The following GABRA2 variants were observed in gnomAD, a reference collection of about 807,000 sequenced individuals.
GABRA2 encodes gamma-aminobutyric acid type A receptor subunit alpha2.
In GABRA2, 16 loss-of-function variants were observed where a neutral mutation model predicts 48.7. The ratio of observed to expected loss-of-function variants is 0.33; its 90% confidence interval spans 0.22 to 0.50. The LOEUF is 0.50. GABRA2 is among the 20% of genes least tolerant of loss of function. GABRA2 has a pLI of 0.98. For missense variants in GABRA2, 275 were observed against 535.6 expected (o/e 0.51, Z 4.80); for synonymous variants, 185 against 184.5 (o/e 1.00, Z -0.02).
At chr4:46,375,438 A>G (rs957656901) in intron 3 of GABRA2, among the ~76,000 whole-genome samples, 22 of 151,746 alleles carry the variant, frequency 1.4e-4, no homozygotes, top group Non-Finnish European at 3.1e-4. Context: ...TTTTTCTTTT[A>G]CCTGTAGCTC....
chr4:46,249,497 A>G lies in GABRA2; in HGVS notation c.*811T>C, dbSNP rs1318977958. On this transcript the variant is annotated 3_prime_UTR_variant, in exon 10 of 10. Transcript: ENST00000381620. ...TTTTTCCAGTCTCCAGCACCCGTAAAATTTAGCTGATCAATTTCAATACAA... is the reference window on the plus strand; with the variant it reads ...TTTTTCCAGTCTCCAGCACCCGTAAGATTTAGCTGATCAATTTCAATACAA... 1.3e-5 allele frequency: 2 copies of G among 151,382 alleles called. No homozygotes were observed. The highest frequency in any genetic ancestry group is 3.0e-5 in the Non-Finnish European group (2 of 67,662). 9.4% of individuals were successfully genotyped at this position (151,382 alleles called of 1,614,324 possible).
intron 3 of GABRA2, among the ~76,000 whole-genome samples, chr4:46,337,741 C>A (rs1167543849): frequency 6.6e-6 from 1 of 150,952 alleles, no homozygotes; most frequent in African/African-American, 2.4e-5. Context: ...CAGGGATAGG[C>A]CCTTTGGTTT....
chr4:46,271,604 T>A (rs1719350217), intron 8 of GABRA2, among the ~76,000 whole-genome samples: 1 of 151,994 alleles, frequency 6.6e-6, no homozygotes, highest in Admixed American at 6.6e-5. Flanking sequence ...GGATGACATA[T>A]TTTCTCAAAA....
chr4:46,350,018 G>C (rs1479145238), intron 3 of GABRA2, among the ~76,000 whole-genome samples: 1 of 151,778 alleles, frequency 6.6e-6, no homozygotes, highest in African/African-American at 2.4e-5. Context: ...AGCATTTACT[G>C]TATGCTGAAC....
rs750868032 is a variant in GABRA2, at chr4:46,305,725, GA to G, written c.560-15del. ...TTGTATATGCATCTATAGGAAATCA[GA>G]AAAAATATTTTAAGCATTTTAGTAA... On this transcript the variant is annotated splice_polypyrimidine_tract_variant and intron_variant, in intron 6 of 9. Coordinates refer to ENST00000381620, the MANE Select transcript of GABRA2 (RefSeq NM_000807.4). The G allele has an allele frequency of 6.3e-7, 1 of 1,586,022 alleles. No individual in the cohort carries two copies. The highest frequency in any genetic ancestry group is 8.6e-7 in the Non-Finnish European group (1 of 1,160,458).
intron 4 of GABRA2, among the ~76,000 whole-genome samples, chr4:46,316,917 A>G (rs1728646564): frequency 6.6e-6 from 1 of 151,900 alleles, no homozygotes; most frequent in South Asian, 2.1e-4. Context: ...AGCCCATTTC[A>G]AGCTAGTGCT....
chr4:46,289,916 T>A (rs1389510453), intron 8 of GABRA2, among the ~76,000 whole-genome samples: 136 of 144,734 alleles, frequency 9.4e-4, no homozygotes, highest in Middle Eastern at 3.5e-3. Flanking sequence ...TATTTTTATT[T>A]TTTTTTTTTT....
chr4:46,341,505 T>C (rs994411833), intron 3 of GABRA2, among the ~76,000 whole-genome samples: 2 of 152,074 alleles, frequency 1.3e-5, no homozygotes, highest in Non-Finnish European at 2.9e-5. Flanking sequence ...CTTTGTCTTT[T>C]GCAGCCATTG....
rs1250099010 is a variant in GABRA2 at position 46,248,346 on chromosome 4, G to GA, written c.*1961dup. On this transcript the variant is annotated 3_prime_UTR_variant, in exon 10 of 10. Transcript: ENST00000381620. ...AGCTATGCTATATTTAAATGTATAA[G>GA]AAAATAGGATATCTTCTATTTCAAT... 1 of 151,234 alleles carries GA rather than the reference G, an allele frequency of 6.6e-6. No individual in the cohort carries two copies. The highest frequency in any genetic ancestry group is 1.5e-5 in the Non-Finnish European group (1 of 67,544). The allele number at this position is 151,234 out of a possible 1,614,324, so 9.4% of individuals were successfully genotyped here. A position where few individuals can be genotyped will look rare whatever the true frequency, so the allele number is the denominator to read the frequency against.
chr4:46,304,914 A>T (rs566051751), intron 7 of GABRA2, among the ~76,000 whole-genome samples: 1 of 118,180 alleles, frequency 8.5e-6, no homozygotes, highest in African/African-American at 3.2e-5. Flanking sequence ...ACAGAGCAAG[A>T]CTCTGTCTCA....
At chr4:46,353,822 T>G (rs1735542684) in intron 3 of GABRA2, among the ~76,000 whole-genome samples, 2 of 152,274 alleles carry the variant, frequency 1.3e-5, no homozygotes, top group Admixed American at 6.5e-5. Context: ...TTATTTATTT[T>G]TATTTTCTCC....
rs778870933 is a variant in GABRA2, at chr4:46,332,570, C to T, written c.255+45G>A. Reference sequence around the variant, plus strand: ...CTAGTTTATTTGAAATTACCCCCCACTCCCCATTATGTGAAGTAAAAATAC... The same window carrying T: ...CTAGTTTATTTGAAATTACCCCCCATTCCCCATTATGTGAAGTAAAAATAC... On this transcript the variant is annotated intron_variant, in intron 4 of 9. Coordinates refer to ENST00000381620, the MANE Select transcript of GABRA2 (RefSeq NM_000807.4). 3 of 1,079,220 alleles carry T rather than the reference C, an allele frequency of 2.8e-6. No individual in the cohort carries two copies. In the African/African-American group the frequency reaches 4.7e-5, roughly 17 times the overall value. The allele number at this position is 1,079,220 out of a possible 1,614,324, so 66.9% of individuals were successfully genotyped here. A position where few individuals can be genotyped will look rare whatever the true frequency, so the allele number is the denominator to read the frequency against.
At chr4:46,386,755 A>G (rs1281375997) in intron 2 of GABRA2, 1 of 153,462 alleles carries the variant, frequency 6.5e-6, no homozygotes, top group Non-Finnish European at 1.4e-5. Context: ...AGCATCAGGG[A>G]AACTCCACTG....
intron 3 of GABRA2, among the ~76,000 whole-genome samples, chr4:46,336,786 A>T (rs1732306669): frequency 6.6e-6 from 1 of 152,138 alleles, no homozygotes. Context: ...AATTAATCCT[A>T]ATCAATTTTG....
intron 8 of GABRA2, among the ~76,000 whole-genome samples, chr4:46,274,706 A>T (rs1720144236): frequency 6.6e-6 from 1 of 152,084 alleles, no homozygotes; most frequent in Non-Finnish European, 1.5e-5. Flanking sequence ...TCCCCTCTCT[A>T]CTTCCTTTCT....
chr4:46,284,321 G>T (rs1421225682), intron 8 of GABRA2, among the ~76,000 whole-genome samples: 3 of 152,090 alleles, frequency 2.0e-5, no homozygotes, highest in Admixed American at 6.6e-5. Flanking sequence ...TTAATGCATT[G>T]TCTAGTCTCA....
intron 4 of GABRA2, among the ~76,000 whole-genome samples, chr4:46,331,384 T>G (rs190785500): frequency 1.3e-5 from 2 of 152,158 alleles, no homozygotes; most frequent in African/African-American, 4.8e-5. Context: ...CAGCATATTT[T>G]GTAACATAAA....
At chr4:46,359,078 A>G (rs1446936797) in intron 3 of GABRA2, among the ~76,000 whole-genome samples, 1 of 152,230 alleles carries the variant, frequency 6.6e-6, no homozygotes, top group Non-Finnish European at 1.5e-5. Context: ...TAGTTTAAGT[A>G]TAAGGTACAT....
intron 3 of GABRA2, among the ~76,000 whole-genome samples, chr4:46,337,484 A>G (rs279838): frequency 0.38 from 58,133 of 151,736 alleles, 11,800 homozygotes; most frequent in East Asian, 0.57. Flanking sequence ...TGTTGTCTTT[A>G]TATACATGGC....
Sources: allele counts gnomAD v4.1 joint callset (sites outside exome capture counted in the v4.1 genomes callset), GRCh38; gene constraint gnomAD v4.1.1; transcripts MANE v1.5; gene names NCBI Gene and HGNC (gene_info 2026-07-23, HGNC 2026-07-21).